The following CAMKK2 variants were observed in gnomAD, a reference collection of about 807,000 sequenced individuals.
The protein encoded by CAMKK2 is calcium/calmodulin dependent protein kinase kinase 2.
Under a neutral mutation model 67.2 loss-of-function variants are expected in CAMKK2, and 30 were observed. The observed-to-expected ratio is 0.45, with a 90% confidence interval of 0.33 to 0.61. CAMKK2 has a LOEUF of 0.61. CAMKK2 is among the 20% of genes least tolerant of loss of function. The pLI, the probability that CAMKK2 is intolerant of heterozygous loss-of-function variation, is 0.02. For synonymous variants in CAMKK2, 322 were observed against 326.2 expected (o/e 0.99, Z 0.14); for missense variants, 643 against 802.0 (o/e 0.80, Z 2.39).
In CAMKK2 at chr12:121,253,199, G is replaced by T; in HGVS notation, c.1107+74C>A. ...TTCACTGTTTAAGCCTGTGTGCGTTGGGTTTCTGCTGCTTACAATCCAGAA... is the reference window on the plus strand; with the variant it reads ...TTCACTGTTTAAGCCTGTGTGCGTTTGGTTTCTGCTGCTTACAATCCAGAA... On this transcript the variant is annotated intron_variant, in intron 10 of 16. Coordinates refer to ENST00000404169, the MANE Select transcript of CAMKK2 (RefSeq NM_001270485.2). This position sits in a 1 kb window ranked among gnomAD's most constrained non-coding sequence, Gnocchi z 5.0. The T allele has an allele frequency of 7.6e-7, 1 of 1,314,750 alleles. No homozygotes were observed. Among genetic ancestry groups the T allele is most frequent in the Non-Finnish European group, 1.1e-6 (1 of 916,210 alleles). 81.4% of individuals were successfully genotyped at this position (1,314,750 alleles called of 1,614,324 possible). A position where few individuals can be genotyped will look rare whatever the true frequency, so the allele number is the denominator to read the frequency against.
At chr12:121,272,968 C>T (rs987178521) in intron 2 of CAMKK2, among the ~76,000 whole-genome samples, 11 of 152,106 alleles carry the variant, frequency 7.2e-5, no homozygotes, top group East Asian at 1.9e-4. Context: ...AATATTTTTG[C>T]GCTCCTACTA....
At chr12:121,277,345 G>A (rs1593449149) in intron 1 of CAMKK2, among the ~76,000 whole-genome samples, 1 of 152,174 alleles carries the variant, frequency 6.6e-6, no homozygotes, top group Non-Finnish European at 1.5e-5. Context: ...AAAGTTAAAC[G>A]TAGAGTTGCC....
At chr12:121,267,829 T>C (rs1333930314) in intron 5 of CAMKK2, among the ~76,000 whole-genome samples, 1 of 151,918 alleles carries the variant, frequency 6.6e-6, no homozygotes, top group African/African-American at 2.4e-5. Context: ...CCTAAATATC[T>C]ATATACATAT....
chr12:121,281,756 T>C (rs903905922), intron 1 of CAMKK2, among the ~76,000 whole-genome samples: 1 of 152,140 alleles, frequency 6.6e-6, no homozygotes, highest in Non-Finnish European at 1.5e-5. Flanking sequence ...AAGACTAGCC[T>C]GGCCAAATGG....
chr12:121,273,823 C>A (rs567537891), intron 2 of CAMKK2, among the ~76,000 whole-genome samples: 2 of 152,116 alleles, frequency 1.3e-5, no homozygotes, highest in Admixed American at 1.3e-4. Flanking sequence ...CACTGGTAAT[C>A]GGCTCCATGA....
intron 16 of CAMKK2, among the ~76,000 whole-genome samples, chr12:121,242,549 C>T (rs982561188): frequency 1.3e-5 from 2 of 152,174 alleles, no homozygotes; most frequent in African/African-American, 4.8e-5. Context: ...AGGCGTCTGT[C>T]TGGGCACAAG....
Position 121,250,019 on chromosome 12 carries a change from C to T in CAMKK2, c.1177G>A (p.Glu393Lys), listed in dbSNP as rs780828018. The change falls in exon 12 of 17, where the codon GAG (glutamate) becomes AAG (lysine). Residue 393 changes from glutamate to lysine, a missense_variant. By Grantham distance (56) the Glu-to-Lys change is moderately conservative. Transcript: ENST00000404169. ...FVFGQCPFMD[E>K]RIMCLHSKIK... is the part of the protein sequence containing the mutation. Reference sequence around the variant, plus strand: ...TTACTGTGTAAACACATGATCCGCTCGTCCATGAATGGGCACTGCAAAGAG... The same window carrying T: ...TTACTGTGTAAACACATGATCCGCTTGTCCATGAATGGGCACTGCAAAGAG... The T allele has an allele frequency of 3.7e-6, 6 of 1,613,122 alleles. 1 individual carries two copies. The highest frequency in any genetic ancestry group is 2.7e-5 in the African/African-American group (2 of 74,892).
At chr12:121,241,870 G>GCCCCCAGTCCAAGA (rs1367776518) in intron 16 of CAMKK2, among the ~76,000 whole-genome samples, 1 of 152,196 alleles carries the variant, frequency 6.6e-6, no homozygotes, top group African/African-American at 2.4e-5. Flanking sequence ...CGGCAGGCAG[G>GCCCCCAGTCCAAGA]CCCCCAGTCC....
intron 1 of CAMKK2, among the ~76,000 whole-genome samples, chr12:121,288,237 C>T (rs1899172068): frequency 6.6e-6 from 1 of 152,224 alleles, no homozygotes; most frequent in South Asian, 2.1e-4. Context: ...AAAAAGACTT[C>T]TACCCAGCAT....
chr12:121,244,963 G>A (rs373731212), intron 15 of CAMKK2, among the ~76,000 whole-genome samples, 177 bp downstream of exon 15: 51 of 152,360 alleles, frequency 3.3e-4, no homozygotes, highest in African/African-American at 1.1e-3. Flanking sequence ...GCAAAAGGAG[G>A]TGGGCTGAGC....
At chr12:121,281,270 T>C (rs974630772) in intron 1 of CAMKK2, among the ~76,000 whole-genome samples, 2 of 152,174 alleles carry the variant, frequency 1.3e-5, no homozygotes, top group Non-Finnish European at 2.9e-5. Context: ...ATCCGCTACC[T>C]CCCGCGCAGC....
intron 8 of CAMKK2, 26 bp downstream of exon 8, chr12:121,255,757 C>A: frequency 1.2e-6 from 2 of 1,613,036 alleles, no homozygotes; most frequent in Non-Finnish European, 1.7e-6. Context: ...TCTTGCATCA[C>A]CCCTGCTGGG....
chr12:121,237,934 C>T lies in CAMKK2; in HGVS notation c.*2765G>A, dbSNP rs995011367. ...AAATCTGCAGTCCCCAGAAACTCGGCCTCCAGCTGGAGAGGGGAACCAGCG... is the reference window on the plus strand; with the variant it reads ...AAATCTGCAGTCCCCAGAAACTCGGTCTCCAGCTGGAGAGGGGAACCAGCG... On this transcript the variant is annotated 3_prime_UTR_variant, in exon 17 of 17. Transcript: ENST00000404169. This position sits in a 1 kb window ranked among gnomAD's most constrained non-coding sequence, Gnocchi z 4.5. The T allele has an allele frequency of 6.6e-6, 1 of 152,620 alleles. No individual in the cohort carries two copies. Among genetic ancestry groups the T allele is most frequent in the East Asian group, 1.9e-4 (1 of 5,194 alleles). The allele number at this position is 152,620 out of a possible 1,614,324, so 9.5% of individuals were successfully genotyped here.
intron 1 of CAMKK2, among the ~76,000 whole-genome samples, chr12:121,280,394 T>G (rs1897545570): frequency 6.6e-6 from 1 of 152,230 alleles, no homozygotes; most frequent in Admixed American, 6.5e-5. Context: ...CTCAGGACCC[T>G]GTGATAATTG....
intron 2 of CAMKK2, 128 bp downstream of exon 2, chr12:121,273,928 G>C: frequency 1.4e-6 from 1 of 729,454 alleles, no homozygotes; most frequent in Non-Finnish European, 2.1e-6. Context: ...GTTCCCTGGA[G>C]TCAACTCCTA....
At chr12:121,289,974 TAC>T (rs1899677276) in intron 1 of CAMKK2, among the ~76,000 whole-genome samples, 1 of 151,130 alleles carries the variant, frequency 6.6e-6, no homozygotes. Flanking sequence ...CAGGAAAGGA[TAC>T]AGATCCCAGA....
At chr12:121,294,932 G>A (rs919665763) in intron 1 of CAMKK2, among the ~76,000 whole-genome samples, 6 of 152,196 alleles carry the variant, frequency 3.9e-5, no homozygotes, top group Non-Finnish European at 8.8e-5. Flanking sequence ...GCACTTGGGA[G>A]ACTGACGTAG....
At chr12:121,263,400 C>T (rs1397847070) in intron 6 of CAMKK2, among the ~76,000 whole-genome samples, 1 of 152,172 alleles carries the variant, frequency 6.6e-6, no homozygotes, top group African/African-American at 2.4e-5. Flanking sequence ...CGAGCCAGTG[C>T]ACCCGGACTT....
intron 1 of CAMKK2, among the ~76,000 whole-genome samples, chr12:121,274,793 TTC>T (rs1190202643): frequency 8.5e-6 from 1 of 118,300 alleles, no homozygotes; most frequent in Non-Finnish European, 1.8e-5. Flanking sequence ...TTATTATTTT[TTC>T]TTTTTTTTTC....
Sources: gnomAD v4.1 joint callset for allele counts (sites outside exome capture counted in the v4.1 genomes callset) on GRCh38, gnomAD v4.1.1 for gene constraint, Gnocchi (gnomAD v3.1) non-coding constraint, MANE v1.5 for transcripts, NCBI Gene and HGNC (gene_info 2026-07-23, HGNC 2026-07-21) for gene names.